The following MYO1B variants were observed in gnomAD, a reference collection of about 807,000 sequenced individuals.
MYO1B encodes the protein myosin IB, also known as unconventional myosin-Ib.
A neutral mutation model predicts 159.7 loss-of-function variants in MYO1B; 72 were observed. That is an observed-to-expected ratio of 0.45 (90% confidence interval 0.37 to 0.55). MYO1B has a LOEUF of 0.55. Among genes scored for constraint, MYO1B ranks in the 20% least tolerant of loss-of-function variants. MYO1B has a pLI of 0.00. For missense variants in MYO1B, 1,062 were observed against 1,364.8 expected, an observed-to-expected ratio of 0.78 and a Z score of 3.50; for synonymous variants, 468 against 473.8, an observed-to-expected ratio of 0.99 and a Z score of 0.16.
intron 3 of MYO1B, among the ~76,000 whole-genome samples, chr2:191,318,337 C>G: frequency 6.6e-6 from 1 of 152,150 alleles, no homozygotes; most frequent in East Asian, 1.9e-4. Context: ...GGATTTGATT[C>G]TGTATGAGTG....
intron 1 of MYO1B, among the ~76,000 whole-genome samples, chr2:191,257,050 T>C (rs952527215): frequency 6.6e-6 from 1 of 152,070 alleles, no homozygotes; most frequent in Non-Finnish European, 1.5e-5. Context: ...TCCTCCCCCT[T>C]CCCCTTGAAA....
chr2:191,389,391 A>G (rs1202093850), intron 17 of MYO1B, among the ~76,000 whole-genome samples: 2 of 152,162 alleles, frequency 1.3e-5, no homozygotes, highest in African/African-American at 2.4e-5. Context: ...TTCTTAAGTA[A>G]CTTCTAAGTA....
At chr2:191,397,774 C>T (rs1406764158) in intron 21 of MYO1B, among the ~76,000 whole-genome samples, 4 of 145,330 alleles carry the variant, frequency 2.8e-5, no homozygotes, top group African/African-American at 1.0e-4. Context: ...GGCGGCCGGG[C>T]AGAAGCGCCC....
At chr2:191,360,751 G>GTGTTGTTGTTGTTGTTGTTGT in intron 8 of MYO1B, 22 bp downstream of exon 8, 2 of 1,118,318 alleles carry the variant, frequency 1.8e-6, no homozygotes, top group Non-Finnish European at 1.3e-6. Flanking sequence ...TTTCTATGTG[G>GTGTTGTTGTTGTTGTTGTTGT]TGTTGTTGTT....
At chr2:191,322,331 C>A (rs1690776192) in intron 3 of MYO1B, among the ~76,000 whole-genome samples, 1 of 152,168 alleles carries the variant, frequency 6.6e-6, no homozygotes, top group East Asian at 1.9e-4. Flanking sequence ...TAAGTTCAGT[C>A]CTTTTCCTTC....
At chr2:191,387,719 C>A in intron 17 of MYO1B, 5 of 455,322 alleles carry the variant, frequency 1.1e-5, no homozygotes, top group South Asian at 6.6e-5. Context: ...TTTCAACTTT[C>A]TGTATGTTTA....
intron 7 of MYO1B, 176 bp downstream of exon 7, chr2:191,350,401 C>CT: frequency 2.3e-6 from 1 of 429,262 alleles, no homozygotes; most frequent in Non-Finnish European, 4.0e-6. Flanking sequence ...ATTTATAAAT[C>CT]TTTTTAAAGA....
chr2:191,281,561 C>T (rs1430903763), intron 2 of MYO1B, among the ~76,000 whole-genome samples: 1 of 152,174 alleles, frequency 6.6e-6, no homozygotes, highest in Admixed American at 6.6e-5. Flanking sequence ...CCTCCCCTCC[C>T]CGGCCCCCAG....
chr2:191,392,028 TG>T, intron 18 of MYO1B, 79 bp from the exon 19 acceptor site: 2 of 991,254 alleles, frequency 2.0e-6, no homozygotes. Flanking sequence ...TTTATACCAC[TG>T]AGAACCTGAT....
chr2:191,415,507 TTTAAAAA>T (rs1697502461), intron 29 of MYO1B, among the ~76,000 whole-genome samples: 1 of 152,024 alleles, frequency 6.6e-6, no homozygotes, highest in Non-Finnish European at 1.5e-5. Context: ...GCTTGGGAAC[TTTAAAAA>T]TTCTGATGCC....
At chr2:191,306,140 A>G (rs1239121119) in intron 3 of MYO1B, among the ~76,000 whole-genome samples, 2 of 152,208 alleles carry the variant, frequency 1.3e-5, no homozygotes, top group African/African-American at 4.8e-5. Flanking sequence ...GGGAAGGGGC[A>G]TCAGGGCTGT....
At chr2:191,400,248 C>T (rs1009326622) in intron 21 of MYO1B, 134 bp from the exon 22 acceptor site, 23 of 919,962 alleles carry the variant, frequency 2.5e-5, no homozygotes, top group East Asian at 5.0e-5. Context: ...TAGTCACCTT[C>T]GCCTTCTTTA....
chr2:191,349,599 G>A (rs577527183), intron 6 of MYO1B, among the ~76,000 whole-genome samples: 5 of 152,230 alleles, frequency 3.3e-5, no homozygotes, highest in East Asian at 1.9e-4. Flanking sequence ...ATGAACCTGC[G>A]TTATATATTG....
At chr2:191,292,565 C>T (rs1005495060) in intron 2 of MYO1B, among the ~76,000 whole-genome samples, 10 of 152,214 alleles carry the variant, frequency 6.6e-5, no homozygotes, top group Admixed American at 1.3e-4. Flanking sequence ...TCCAGATACC[C>T]GGCTTCAGAG....
intron 2 of MYO1B, among the ~76,000 whole-genome samples, 191 bp downstream of exon 2, chr2:191,277,221 C>G (rs779652778): frequency 1.1e-4 from 16 of 152,126 alleles, no homozygotes; most frequent in Non-Finnish European, 1.9e-4. Flanking sequence ...ACAAGTCAGT[C>G]TGCTTTCTGT....
At chr2:191,377,984 A>G (rs527941242) in intron 13 of MYO1B, 10 of 151,818 alleles carry the variant, frequency 6.6e-5, no homozygotes, top group African/African-American at 1.7e-4. Context: ...TGATTGTGCT[A>G]TTCTATTTTT....
intron 2 of MYO1B, among the ~76,000 whole-genome samples, chr2:191,281,905 G>A (rs760327686): frequency 3.1e-4 from 47 of 152,284 alleles, no homozygotes; most frequent in Middle Eastern, 6.8e-3. Context: ...ACTAATTGTA[G>A]TTGTAGGAGT....
At chr2:191,290,155 G>A (rs1264114011) in intron 2 of MYO1B, among the ~76,000 whole-genome samples, 2 of 152,100 alleles carry the variant, frequency 1.3e-5, no homozygotes, top group Non-Finnish European at 2.9e-5. Context: ...CTAAGCCATG[G>A]GGCTCTTGGG....
intron 1 of MYO1B, among the ~76,000 whole-genome samples, chr2:191,266,960 A>G (rs770923518): frequency 1.2e-4 from 18 of 152,158 alleles, no homozygotes; most frequent in Non-Finnish European, 2.4e-4. Flanking sequence ...TCAGTCCTTA[A>G]TCACTGGCCT....
Sources: allele counts gnomAD v4.1 joint callset (sites outside exome capture counted in the v4.1 genomes callset), GRCh38; gene constraint gnomAD v4.1.1; transcripts MANE v1.5; gene names NCBI Gene and HGNC (gene_info 2026-07-23, HGNC 2026-07-21).